The following PANX2 variants were observed in gnomAD, a reference collection of about 807,000 sequenced individuals.
PANX2 encodes the protein pannexin 2, also known as pannexin-2.
In PANX2, 30 loss-of-function variants were observed where a neutral mutation model predicts 38.7. That is an observed-to-expected ratio of 0.78 (90% confidence interval 0.58 to 1.05). The LOEUF is 1.05. Among genes scored for constraint, PANX2 ranks in the 50% least tolerant of loss-of-function variants. The pLI is 0.00. For missense variants in PANX2, 880 were observed against 979.3 expected (o/e 0.90, Z 1.35); for synonymous variants, 539 against 472.1 (o/e 1.14, Z -1.84).
chr22:50,177,971 CG>C lies in PANX2; in HGVS notation c.1260del (p.Val422TrpfsTer9). On this transcript the variant is annotated frameshift_variant, in exon 2 of 3. Transcript: ENST00000395842. LOFTEE classifies it high-confidence loss of function. ...GCCGAGCCCGACGGCGCCGCCGAGC[CG>C]CCCGTGGTCAAGCGGCCGCGCAAGA... is the stretch of plus-strand genomic sequence containing the variant. ...NPAEPDGAAEPPVVKRPRKKM... is the reference protein window; with the variant it reads ...NPAEPDGAAEXPVVKRPRKKM... 1 of 1,534,534 alleles carries C rather than the reference CG, an allele frequency of 6.5e-7. No individual in the cohort carries two copies. Among genetic ancestry groups the C allele is most frequent in the Non-Finnish European group, 8.7e-7 (1 of 1,144,862 alleles).
chr22:50,178,479 G>T, intron 2 of PANX2, 77 bp downstream of exon 2: 1 of 1,039,606 alleles, frequency 9.6e-7, no homozygotes, highest in South Asian at 1.9e-5. Context: ...GCCCACGGGA[G>T]CCTGGCCAGG....
rs1241746955 is a variant in PANX2, at chr22:50,178,975, C to T, written c.1732C>T (p.Pro578Ser). The change falls in exon 3 of 3, where the codon CCA becomes TCA. Residue 578 changes from proline (P) to serine (S), a missense_variant. Pro to Ser is a moderately conservative substitution (Grantham distance 74). Coordinates refer to ENST00000395842, the MANE Select transcript of PANX2 (RefSeq NM_052839.4). ...PEKEIPYPTE[P>S]ARAGLPSGGP... ...GAAGGAAATCCCGTACCCCACAGAG[C>T]CAGCCCGGGCAGGGCTTCCCTCGGG... The T allele has an allele frequency of 9.4e-6, 15 of 1,604,128 alleles. No individual in the cohort carries two copies. The highest frequency in any genetic ancestry group is 1.3e-5 in the Non-Finnish European group (15 of 1,174,610).
intron 2 of PANX2, among the ~76,000 whole-genome samples, 168 bp from the exon 3 acceptor site, chr22:50,178,765 CG>C (rs1473918734): frequency 6.6e-6 from 1 of 152,138 alleles, no homozygotes; most frequent in Non-Finnish European, 1.5e-5. Context: ...GACAGTGGGG[CG>C]GGGGGTGTTC....
At chr22:50,171,309 G>C (rs557934978) in intron 1 of PANX2, among the ~76,000 whole-genome samples, 1 of 152,214 alleles carries the variant, frequency 6.6e-6, no homozygotes, top group African/African-American at 2.4e-5. Context: ...GGCCAGGTGG[G>C]GACCAGGAAA....
At chr22:50,172,037 C>T (rs2063635140) in intron 1 of PANX2, among the ~76,000 whole-genome samples, 1 of 152,120 alleles carries the variant, frequency 6.6e-6, no homozygotes, top group Non-Finnish European at 1.5e-5. Context: ...CTGGTCTCCT[C>T]TTCGACACTG....
Position 50,179,124 on chromosome 22 carries a change from C to T in PANX2, c.1881C>T (p.His627=). The part of the protein sequence containing the change: ...LSRNATHPLL[H]INTLYEAREE... The stretch of plus-strand genomic sequence containing the variant: ...GAAACGCCACACACCCGCTGCTGCA[C>T]ATCAACACGCTGTACGAGGCCCGGG... The change falls in exon 3 of 3, where the codon CAC becomes CAT. Residue 627 remains histidine (H), a synonymous_variant. Transcript: ENST00000395842. The T allele has an allele frequency of 6.2e-7, 1 of 1,612,266 alleles. No homozygotes were observed. Among genetic ancestry groups the T allele is most frequent in the Non-Finnish European group, 8.5e-7 (1 of 1,179,638 alleles).
chr22:50,175,453 C>T, intron 1 of PANX2: 1 of 1,300,728 alleles, frequency 7.7e-7, no homozygotes, highest in Non-Finnish European at 1.0e-6. Context: ...TTCTCTGGCT[C>T]CTGGGATTGG....
chr22:50,176,693 G>C (rs966127206), intron 1 of PANX2, among the ~76,000 whole-genome samples: 1 of 152,178 alleles, frequency 6.6e-6, no homozygotes, highest in Non-Finnish European at 1.5e-5. Context: ...TTTCGCAGGC[G>C]GTCATGGCTT....
Position 50,177,630 on chromosome 22 carries a change from C to A in PANX2, c.918C>A (p.Leu306=). The A allele has an allele frequency of 6.2e-7, 1 of 1,612,972 alleles. No homozygotes were observed. The highest frequency in any genetic ancestry group is 8.5e-7 in the Non-Finnish European group (1 of 1,180,006). Residue 306 remains leucine (L), a synonymous_variant, in exon 2 of 3, where the codon CTC becomes CTA. Transcript: ENST00000395842. Reference sequence around the variant, plus strand: ...TGTGCGTCATGAACCTCATCATCCTCGTCAACCTCATCCACCTCTTCATCT... The same window carrying A: ...TGTGCGTCATGAACCTCATCATCCTAGTCAACCTCATCCACCTCTTCATCT... ...VLLCVMNLII[L]VNLIHLFIFR...
At chr22:50,178,894 G>A (rs1284698230) in intron 2 of PANX2, 40 bp from the exon 3 acceptor site, 11 of 1,499,434 alleles carry the variant, frequency 7.3e-6, no homozygotes, top group Non-Finnish European at 9.9e-6. Flanking sequence ...CGGCGCAGCG[G>A]AGGATGGTGT....
chr22:50,174,461 G>T (rs999439214), intron 1 of PANX2, among the ~76,000 whole-genome samples: 1 of 152,224 alleles, frequency 6.6e-6, no homozygotes, highest in African/African-American at 2.4e-5. Flanking sequence ...GCTCCAAGCA[G>T]CACCAGGCCC....
In PANX2 at chr22:50,179,230, G is replaced by A. The variant is rs374847055; in HGVS notation, c.1987G>A (p.Ala663Thr). ...AIPAPQQILIATFDEPRTVVS... is the reference protein window; with the variant it reads ...AIPAPQQILITTFDEPRTVVS... ...CCCTGCCCCACAGCAGATCCTCATC[G>A]CCACCTTCGACGAGCCGAGAACGGT... Residue 663 changes from alanine (A) to threonine (T), a missense_variant, in exon 3 of 3, where the codon GCC (alanine) becomes ACC (threonine). Physicochemically the swap from Ala to Thr is moderately conservative, Grantham distance 58 (BLOSUM62 0). This residue lies in a region of PANX2 where 445 missense variants were observed against 404.3 expected (regional missense o/e 1.10). Transcript: ENST00000395842. 21 of 1,612,676 alleles carry A rather than the reference G, an allele frequency of 1.3e-5. No individual in the cohort carries two copies. Among genetic ancestry groups the A allele is most frequent in the Admixed American group, 5.0e-5 (3 of 60,016 alleles).
chr22:50,179,380 C>T lies in PANX2; in HGVS notation c.*103C>T. 4 of 1,062,448 alleles carry T rather than the reference C, an allele frequency of 3.8e-6. No homozygotes were observed. Among genetic ancestry groups the T allele is most frequent in the South Asian group, 1.5e-5 (1 of 66,576 alleles). 65.8% of individuals were successfully genotyped at this position (1,062,448 alleles called of 1,614,324 possible). ...CCCTGCGTGGACGTGGCCTGTGCTT[C>T]GCCCGCACTGCGCGCATCCCCAACC... On this transcript the variant is annotated 3_prime_UTR_variant, in exon 3 of 3. Coordinates refer to ENST00000395842, the MANE Select transcript of PANX2 (RefSeq NM_052839.4).
chr22:50,178,170 C>T lies in PANX2; in HGVS notation c.1458C>T (p.Gly486=), dbSNP rs746744081. 9 of 1,496,812 alleles carry T rather than the reference C, an allele frequency of 6.0e-6. No homozygotes were observed. The highest frequency in any genetic ancestry group is 2.6e-5 in the East Asian group (1 of 38,876). 92.7% of individuals were successfully genotyped at this position (1,496,812 alleles called of 1,614,324 possible). The part of the protein sequence containing the change: ...LLDRSAHHYK[G]GGGDPGPGPA... Reference sequence around the variant, plus strand: ...ACCGCTCCGCCCACCACTACAAGGGCGGAGGGGGCGACCCGGGCCCCGGCC... The same window carrying T: ...ACCGCTCCGCCCACCACTACAAGGGTGGAGGGGGCGACCCGGGCCCCGGCC... The change falls in exon 2 of 3, where the codon GGC becomes GGT. Residue 486 remains glycine (G), a synonymous_variant. Coordinates refer to ENST00000395842, the MANE Select transcript of PANX2 (RefSeq NM_052839.4).
chr22:50,173,284 C>T (rs1490016206), intron 1 of PANX2, among the ~76,000 whole-genome samples: 1 of 151,940 alleles, frequency 6.6e-6, no homozygotes, highest in African/African-American at 2.4e-5. Context: ...CCGCCCGCCT[C>T]GGCCTCCCAA....
chr22:50,178,844 C>T, intron 2 of PANX2, 90 bp from the exon 3 acceptor site: 3 of 1,200,278 alleles, frequency 2.5e-6, no homozygotes, highest in Non-Finnish European at 3.4e-6. Context: ...AGCCGTGAGC[C>T]CTGCTCCCCC....
In PANX2 at chr22:50,177,254, A is replaced by G; in HGVS notation, c.542A>G (p.Gln181Arg). 1.2e-6 allele frequency: 2 copies of G among 1,612,394 alleles called. No individual in the cohort carries two copies. Among genetic ancestry groups the G allele is most frequent in the Non-Finnish European group, 1.7e-6 (2 of 1,179,792 alleles). ...GRAPKIEKQI[Q>R]SKGPGITERE... is the part of the protein sequence containing the mutation. ...GCGCCCAAGATCGAGAAGCAGATCC[A>G]GTCCAAGGGCCCGGGCATCACGGAG... The change falls in exon 2 of 3, where the codon CAG becomes CGG. Residue 181 changes from glutamine to arginine, a missense_variant. By Grantham distance (43) the Gln-to-Arg change is conservative. Around this residue, in one of 4 missense-constraint regions of PANX2, gnomAD observed 243 missense variants for 333.1 expected, o/e 0.73. Transcript: ENST00000395842.
intron 1 of PANX2, among the ~76,000 whole-genome samples, chr22:50,173,319 C>A (rs1254167902): frequency 6.6e-6 from 1 of 152,284 alleles, no homozygotes; most frequent in Non-Finnish European, 1.5e-5. Flanking sequence ...AGGCATGAGC[C>A]ACCGCACCCG....
intron 1 of PANX2, among the ~76,000 whole-genome samples, chr22:50,172,708 T>C (rs571173585): frequency 6.6e-6 from 1 of 151,852 alleles, no homozygotes; most frequent in Admixed American, 6.6e-5. Context: ...CCCTTTTCTC[T>C]TCTTCACCAC....
Sources: allele counts gnomAD v4.1 joint callset (sites outside exome capture counted in the v4.1 genomes callset), GRCh38; gene constraint gnomAD v4.1.1; regional missense constraint gnomAD v4.1.1; transcripts MANE v1.5; gene names NCBI Gene and HGNC (gene_info 2026-07-23, HGNC 2026-07-21).